NALF1: variants seen among roughly 807,000 people sequenced by gnomAD.
NALF1 encodes NALCN channel auxiliary factor 1, also known as family with sequence similarity 155 member A.
Under a neutral mutation model 48.4 loss-of-function variants are expected in NALF1, and 3 were observed. That is an observed-to-expected ratio of 0.06 (90% CI 0.03 to 0.16). The LOEUF (loss-of-function observed/expected upper bound fraction) is 0.16. NALF1 is among the 10% of genes least tolerant of loss of function. NALF1 has a pLI of 1.00. For synonymous variants in NALF1, 262 were observed against 245.7 expected, an observed-to-expected ratio of 1.07 and a Z score of -0.62; for missense variants, 526 against 571.5, an observed-to-expected ratio of 0.92 and a Z score of 0.81.
intron 1 of NALF1, among the ~76,000 whole-genome samples, chr13:107,496,655 G>GA (rs1441765812): frequency 1.3e-5 from 2 of 152,134 alleles, no homozygotes; most frequent in Non-Finnish European, 2.9e-5. Flanking sequence ...TCATGCTGCT[G>GA]AAAAAGACAT....
chr13:107,598,099 C>G (rs1649904851), intron 1 of NALF1, among the ~76,000 whole-genome samples: 1 of 152,044 alleles, frequency 6.6e-6, no homozygotes, highest in Admixed American at 6.6e-5. Context: ...ATGGTAAAAC[C>G]TAGGTTAGTA....
intron 1 of NALF1, among the ~76,000 whole-genome samples, chr13:107,493,075 G>A (rs1180288932): frequency 6.6e-6 from 1 of 152,106 alleles, no homozygotes; most frequent in Non-Finnish European, 1.5e-5. Context: ...CATTATTACA[G>A]CTTGATGGCT....
At chr13:107,751,433 G>C (rs1312273072) in intron 1 of NALF1, among the ~76,000 whole-genome samples, 1 of 152,110 alleles carries the variant, frequency 6.6e-6, no homozygotes, top group Admixed American at 6.6e-5. Context: ...CTGGTGTTCG[G>C]ACCAAACACA....
chr13:107,857,773 T>C (rs763788923), intron 1 of NALF1, among the ~76,000 whole-genome samples: 6 of 152,222 alleles, frequency 3.9e-5, no homozygotes, highest in African/African-American at 1.4e-4. Flanking sequence ...ATGCAAAGTC[T>C]GTTTATAAAA....
chr13:107,678,690 T>A lies in NALF1; in HGVS notation c.915+186992A>T, dbSNP rs1159840540. Among the ~76,000 whole-genome samples the A allele has an allele frequency of 5.9e-5, 9 of 152,106 alleles. 1 individual carries two copies. The highest frequency in any genetic ancestry group is 1.0e-4 in the Non-Finnish European group (7 of 68,018). On this transcript the variant is annotated intron_variant, in intron 1 of 2. Coordinates refer to ENST00000375915, the MANE Select transcript of NALF1 (RefSeq NM_001080396.3). The stretch of plus-strand genomic sequence containing the variant: ...GAACTCAGGAAACTCACAATCATGG[T>A]GGAAGGTGAAGGGAAACAAGGCAAC...
At chr13:107,656,769 C>T (rs956207379) in intron 1 of NALF1, among the ~76,000 whole-genome samples, 2 of 152,108 alleles carry the variant, frequency 1.3e-5, no homozygotes, top group Non-Finnish European at 2.9e-5. Flanking sequence ...AAATGTCTAT[C>T]AATCAATGAG....
At chr13:107,714,952 A>C (rs1212925983) in intron 1 of NALF1, among the ~76,000 whole-genome samples, 2 of 152,162 alleles carry the variant, frequency 1.3e-5, no homozygotes, top group African/African-American at 4.8e-5. Context: ...GAAGAAACAA[A>C]ATTGAAAGTG....
chr13:107,320,587 T>C (rs912615423), intron 1 of NALF1, among the ~76,000 whole-genome samples: 1 of 152,104 alleles, frequency 6.6e-6, no homozygotes, highest in African/African-American at 2.4e-5. Context: ...TCAGGAATTA[T>C]TCCTATAATC....
chr13:107,440,088 A>G (rs1241468407), intron 1 of NALF1, among the ~76,000 whole-genome samples: 1 of 152,250 alleles, frequency 6.6e-6, no homozygotes, highest in Middle Eastern at 3.2e-3. Context: ...AGAGAATAAT[A>G]GAAACAAGAC....
At chr13:107,669,978 CTA>C (rs1328179269) in intron 1 of NALF1, among the ~76,000 whole-genome samples, 4 of 152,112 alleles carry the variant, frequency 2.6e-5, no homozygotes, top group Non-Finnish European at 5.9e-5. Context: ...TGGCTTCACT[CTA>C]TAATTTTTAA....
chr13:107,296,768 TA>T (rs1467330269), intron 1 of NALF1, among the ~76,000 whole-genome samples: 4 of 151,794 alleles, frequency 2.6e-5, no homozygotes, highest in South Asian at 2.1e-4. Flanking sequence ...AATCAACAGG[TA>T]AAAAAGAAAA....
At chr13:107,546,923 T>C (rs1184828266) in intron 1 of NALF1, among the ~76,000 whole-genome samples, 3 of 152,200 alleles carry the variant, frequency 2.0e-5, no homozygotes, top group Non-Finnish European at 4.4e-5. Flanking sequence ...TTGGCAAGCC[T>C]AGTATTCTAA....
chr13:107,867,448 G>T lies in NALF1; in HGVS notation c.-852C>A, dbSNP rs1594324303. On this transcript the variant is annotated 5_prime_UTR_variant, in exon 1 of 3. In the 5' UTR this introduces an upstream ATG that the reference lacks. Coordinates refer to ENST00000375915, the MANE Select transcript of NALF1 (RefSeq NM_001080396.3). The surrounding 1 kb of genome is among the most constrained non-coding windows in gnomAD (Gnocchi z 4.4). ...CTCCCGAGAGCCACAGTCATCTTCAGTCCGCGGGCTAAGTTGCCGCCATCT... is the reference window on the plus strand; with the variant it reads ...CTCCCGAGAGCCACAGTCATCTTCATTCCGCGGGCTAAGTTGCCGCCATCT... 6.7e-6 allele frequency among the ~76,000 whole-genome samples: 1 copy of T among 149,304 alleles called. No homozygotes were observed. The highest frequency in any genetic ancestry group is 2.1e-4 in the South Asian group (1 of 4,830).
chr13:107,754,354 AACACACACACACACAC>A (rs6145234), intron 1 of NALF1, among the ~76,000 whole-genome samples: 2,245 of 142,404 alleles, frequency 0.016, 58 homozygotes, highest in African/African-American at 0.053. Flanking sequence ...GTACATTGTG[AACACACACACACACAC>A]ACACACACAC....
intron 1 of NALF1, among the ~76,000 whole-genome samples, chr13:107,738,777 C>T (rs1876537054): frequency 6.6e-6 from 1 of 152,070 alleles, no homozygotes; most frequent in Admixed American, 6.6e-5. Context: ...AGTGATTCTG[C>T]CTCAGCCTCC....
intron 1 of NALF1, among the ~76,000 whole-genome samples, chr13:107,744,153 G>A (rs1415588492): frequency 1.3e-5 from 2 of 152,214 alleles, no homozygotes; most frequent in Non-Finnish European, 2.9e-5. Flanking sequence ...ACAGCAGACA[G>A]AGAGACCTTT....
At chr13:107,329,577 T>C (rs1004918732) in intron 1 of NALF1, among the ~76,000 whole-genome samples, 2 of 152,010 alleles carry the variant, frequency 1.3e-5, no homozygotes, top group Admixed American at 1.3e-4. Context: ...TGTATACATG[T>C]GCCATGTTGG....
chr13:107,735,608 C>A (rs768641536), intron 1 of NALF1, among the ~76,000 whole-genome samples: 1 of 152,128 alleles, frequency 6.6e-6, no homozygotes, highest in Admixed American at 6.5e-5. Flanking sequence ...GATATCCGTA[C>A]GAATTCAAAA....
chr13:107,819,815 C>T (rs1730776197), intron 1 of NALF1, among the ~76,000 whole-genome samples: 1 of 151,544 alleles, frequency 6.6e-6, no homozygotes, highest in Admixed American at 6.6e-5. Flanking sequence ...TCCTCTTTTT[C>T]TCCTCTTTCT....
Sources: gnomAD v4.1 joint callset for allele counts (sites outside exome capture counted in the v4.1 genomes callset) on GRCh38, gnomAD v4.1.1 for gene constraint, Gnocchi (gnomAD v3.1) non-coding constraint, MANE v1.5 for transcripts, NCBI Gene and HGNC (gene_info 2026-07-23, HGNC 2026-07-21) for gene names.